Variants in NEGR1 observed in about 807,000 individuals in gnomAD.
NEGR1 encodes the protein neuronal growth regulator 1.
NEGR1 carries 10 observed loss-of-function variants against 40.9 expected under a neutral mutation model. That is an observed-to-expected ratio of 0.24 (90% CI 0.15 to 0.42). The LOEUF is 0.42. NEGR1 is among the 10% of genes least tolerant of loss of function. The probability of loss-of-function intolerance (pLI) is 1.00; values close to 1 mark genes in which losing one functional copy is unlikely to be tolerated. For missense variants in NEGR1, 352 were observed against 438.9 expected, an observed-to-expected ratio of 0.80 and a Z score of 1.77; for synonymous variants, 185 against 166.8, an observed-to-expected ratio of 1.11 and a Z score of -0.84.
intron 6 of NEGR1, among the ~76,000 whole-genome samples, chr1:71,452,133 C>T (rs893737199): frequency 1.2e-4 from 19 of 152,200 alleles, no homozygotes; most frequent in Non-Finnish European, 2.6e-4. Context: ...CCCCAACACA[C>T]ATACACACAC....
chr1:71,599,256 T>G (rs1386471446), intron 5 of NEGR1, among the ~76,000 whole-genome samples: 4 of 152,184 alleles, frequency 2.6e-5, no homozygotes, highest in South Asian at 4.1e-4. Context: ...AACAGATACA[T>G]TTCCTCTCAG....
chr1:71,868,094 C>A (rs544203015), intron 2 of NEGR1, among the ~76,000 whole-genome samples: 13 of 152,260 alleles, frequency 8.5e-5, no homozygotes, highest in Admixed American at 4.6e-4. Flanking sequence ...GTGGCACATA[C>A]ACGTTTTATA....
intron 6 of NEGR1, among the ~76,000 whole-genome samples, chr1:71,509,196 C>T (rs1388695689): frequency 1.3e-5 from 2 of 152,180 alleles, no homozygotes; most frequent in Non-Finnish European, 2.9e-5. Flanking sequence ...CAAGTGGTTC[C>T]GTTTCCCCTA....
intron 3 of NEGR1, among the ~76,000 whole-genome samples, chr1:71,734,189 AG>A (rs1654974925): frequency 6.6e-6 from 1 of 152,176 alleles, no homozygotes; most frequent in African/African-American, 2.4e-5. Context: ...CTTCACCAAA[AG>A]AATAGGACCG....
At chr1:71,769,071 A>AT (rs1656227024) in intron 3 of NEGR1, among the ~76,000 whole-genome samples, 1 of 65,352 alleles carries the variant, frequency 1.5e-5, no homozygotes, top group Non-Finnish European at 4.8e-5. Flanking sequence ...TAACAATAAA[A>AT]CTTTTTTTTT....
intron 2 of NEGR1, among the ~76,000 whole-genome samples, chr1:71,919,496 C>CT (rs79222767): frequency 0.14 from 18,866 of 139,552 alleles, 1,270 homozygotes; most frequent in South Asian, 0.2. Context: ...CTATCTTAAC[C>CT]TTTTTTTTTT....
chr1:72,122,351 A>G (rs1408645228), intron 1 of NEGR1, among the ~76,000 whole-genome samples: 1 of 151,970 alleles, frequency 6.6e-6, no homozygotes. Context: ...CCAGGACCCT[A>G]TTTGTAAAGA....
chr1:71,895,133 T>C (rs1401984681), intron 2 of NEGR1, among the ~76,000 whole-genome samples: 1 of 152,184 alleles, frequency 6.6e-6, no homozygotes. Flanking sequence ...TAAGTTTTAA[T>C]TTAGGAGCTA....
intron 4 of NEGR1, among the ~76,000 whole-genome samples, chr1:71,691,182 G>T (rs1411021882): frequency 6.6e-6 from 1 of 151,766 alleles, no homozygotes; most frequent in Non-Finnish European, 1.5e-5. Flanking sequence ...TTAAAACAAA[G>T]GTCCAATTAT....
chr1:72,003,963 G>A (rs1198287504), intron 1 of NEGR1, among the ~76,000 whole-genome samples: 3 of 152,060 alleles, frequency 2.0e-5, no homozygotes, highest in African/African-American at 7.2e-5. Flanking sequence ...GACAATAAAT[G>A]AGAGATTAAT....
At chr1:71,807,382 C>T (rs1389274981) in intron 2 of NEGR1, among the ~76,000 whole-genome samples, 1 of 151,782 alleles carries the variant, frequency 6.6e-6, no homozygotes, top group Non-Finnish European at 1.5e-5. Flanking sequence ...AAAGAGAAGT[C>T]AATCAAATAA....
At chr1:71,457,945 G>C (rs541263675) in intron 6 of NEGR1, among the ~76,000 whole-genome samples, 3 of 151,862 alleles carry the variant, frequency 2.0e-5, no homozygotes, top group Admixed American at 6.6e-5. Flanking sequence ...CTCGTGATCC[G>C]CCCACCTTGG....
chr1:71,827,152 G>A (rs1349425767), intron 2 of NEGR1, among the ~76,000 whole-genome samples: 2 of 150,990 alleles, frequency 1.3e-5, no homozygotes, highest in Non-Finnish European at 3.0e-5. Context: ...CAATGACTTT[G>A]CAGAAAAAAA....
chr1:72,047,832 T>TA (rs1298534547), intron 1 of NEGR1, among the ~76,000 whole-genome samples: 2 of 151,566 alleles, frequency 1.3e-5, no homozygotes, highest in Non-Finnish European at 3.0e-5. Context: ...GACTTTTAAT[T>TA]TTTACTACAC....
chr1:72,054,436 C>A (rs147601708), intron 1 of NEGR1, among the ~76,000 whole-genome samples: 6 of 151,370 alleles, frequency 4.0e-5, no homozygotes, highest in African/African-American at 1.4e-4. Context: ...TATTCTACTT[C>A]CCTATCTCAA....
intron 3 of NEGR1, among the ~76,000 whole-genome samples, chr1:71,744,725 C>A (rs1422410502): frequency 6.6e-6 from 1 of 152,116 alleles, no homozygotes; most frequent in Non-Finnish European, 1.5e-5. Flanking sequence ...GAGGTTTTCA[C>A]AAGTTCAATC....
intron 1 of NEGR1, among the ~76,000 whole-genome samples, chr1:72,271,674 G>A (rs1337102527): frequency 6.6e-6 from 1 of 151,780 alleles, no homozygotes; most frequent in Non-Finnish European, 1.5e-5. Flanking sequence ...CTTCATCATG[G>A]AAAGGTTATA....
chr1:72,267,324 T>G (rs1012116293), intron 1 of NEGR1, among the ~76,000 whole-genome samples: 1 of 151,078 alleles, frequency 6.6e-6, no homozygotes, highest in South Asian at 2.1e-4. Flanking sequence ...TATGAGAAAT[T>G]TGAAATAGCA....
intron 6 of NEGR1, among the ~76,000 whole-genome samples, chr1:71,493,034 A>AT (rs1646939634): frequency 6.6e-6 from 1 of 151,830 alleles, no homozygotes; most frequent in Non-Finnish European, 1.5e-5. Context: ...TATTCTTTGC[A>AT]TTTTTCTTAG....
Sources: allele counts gnomAD v4.1 joint callset (sites outside exome capture counted in the v4.1 genomes callset), GRCh38; gene constraint gnomAD v4.1.1; transcripts MANE v1.5; gene names NCBI Gene and HGNC (gene_info 2026-07-23, HGNC 2026-07-21).